Variants in SPOCK1 observed in about 807,000 individuals in gnomAD.
SPOCK1 encodes testican-1.
Under a neutral mutation model 55.3 loss-of-function variants are expected in SPOCK1, and 23 were observed. The ratio of observed to expected loss-of-function variants is 0.42; its 90% CI spans 0.30 to 0.59. The LOEUF is 0.59. SPOCK1 is among the 20% of genes least tolerant of loss of function. SPOCK1 has a pLI of 0.22. For missense variants in SPOCK1, 499 were observed against 552.5 expected (o/e 0.90, Z 0.97); for synonymous variants, 226 against 221.0 (o/e 1.02, Z -0.20).
intron 2 of SPOCK1, among the ~76,000 whole-genome samples, chr5:137,339,651 G>A (rs1012543271): frequency 2.6e-5 from 4 of 151,920 alleles, no homozygotes; most frequent in African/African-American, 7.3e-5. Flanking sequence ...TTTTCAATCA[G>A]TATTCTGTCT....
intron 2 of SPOCK1, among the ~76,000 whole-genome samples, chr5:137,443,155 G>A (rs1322390998): frequency 6.6e-6 from 1 of 152,114 alleles, no homozygotes; most frequent in African/African-American, 2.4e-5. Flanking sequence ...ACTTGGACAT[G>A]TTATTTAAAC....
In SPOCK1 at chr5:137,198,762, G is replaced by A. The variant is rs62376279; in HGVS notation, c.233-58068C>T. On this transcript the variant is annotated intron_variant, in intron 3 of 10. Coordinates refer to ENST00000394945, the MANE Select transcript of SPOCK1 (RefSeq NM_004598.4). ...TGATTTTTGACAGGTTTTAATTTTA[G>A]TGTATCCAAACTTGTTTTAAGATTA... Among the ~76,000 whole-genome samples, 1,025 of 152,166 alleles carry A rather than the reference G, an allele frequency of 6.7e-3. 4 individuals are homozygous for A. The highest frequency in any genetic ancestry group is 0.01 in the Admixed American group (153 of 15,300).
intron 3 of SPOCK1, among the ~76,000 whole-genome samples, chr5:137,164,695 G>C (rs923457986): frequency 2.0e-5 from 3 of 152,162 alleles, no homozygotes; most frequent in African/African-American, 4.8e-5. Context: ...TTGCCCTGAA[G>C]GATGAGTCCC....
In SPOCK1 at chr5:137,035,913, T is replaced by G. The variant is rs147960677; in HGVS notation, c.589+31802A>C. Among the ~76,000 whole-genome samples, 5 of 152,272 alleles carry G rather than the reference T, an allele frequency of 3.3e-5. No homozygotes were observed. In the East Asian group the frequency reaches 7.8e-4, roughly 24 times the overall value. On this transcript the variant is annotated intron_variant, in intron 6 of 10. Transcript: ENST00000394945. ...AGACTCCTTCTATGTGTCAGCCCAG[T>G]GCTCCATGCTGGGGATTAACCAGGG...
intron 3 of SPOCK1, among the ~76,000 whole-genome samples, chr5:137,169,987 C>T (rs1232267977): frequency 6.6e-6 from 1 of 152,136 alleles, no homozygotes; most frequent in African/African-American, 2.4e-5. Flanking sequence ...AAGAGATATA[C>T]CCATGCAACT....
chr5:137,292,423 A>G (rs1757387194), intron 2 of SPOCK1, among the ~76,000 whole-genome samples: 1 of 102,812 alleles, frequency 9.7e-6, no homozygotes, highest in Non-Finnish European at 1.8e-5. Context: ...TCACTGGTGT[A>G]GTTAAAAAAA....
chr5:137,091,809 C>T (rs1012976481), intron 5 of SPOCK1, among the ~76,000 whole-genome samples: 6 of 152,126 alleles, frequency 3.9e-5, no homozygotes, highest in Admixed American at 1.3e-4. Flanking sequence ...GTTTATTAGC[C>T]CCTCTTTCCA....
intron 7 of SPOCK1, among the ~76,000 whole-genome samples, chr5:136,990,274 T>C (rs772674463): frequency 6.6e-6 from 1 of 152,054 alleles, no homozygotes; most frequent in Non-Finnish European, 1.5e-5. Flanking sequence ...GCCAGTAAAA[T>C]AAGTACAGCA....
intron 3 of SPOCK1, among the ~76,000 whole-genome samples, chr5:137,246,830 A>T (rs1014186826): frequency 6.6e-6 from 1 of 152,194 alleles, no homozygotes; most frequent in African/African-American, 2.4e-5. Flanking sequence ...TGAAAATCAC[A>T]GAGTGAGTTT....
chr5:137,157,258 T>C (rs1754434245), intron 3 of SPOCK1, among the ~76,000 whole-genome samples: 1 of 152,236 alleles, frequency 6.6e-6, no homozygotes, highest in South Asian at 2.1e-4. Context: ...TGGATGGGAA[T>C]GCTCCAGGAG....
At chr5:137,276,283 C>T (rs1270785674) in intron 2 of SPOCK1, among the ~76,000 whole-genome samples, 1 of 152,358 alleles carries the variant, frequency 6.6e-6, no homozygotes, top group East Asian at 1.9e-4. Context: ...CTCCTCCTTA[C>T]CCTTCTTTTG....
intron 5 of SPOCK1, among the ~76,000 whole-genome samples, chr5:137,092,746 C>T (rs1227013757): frequency 6.6e-6 from 1 of 152,208 alleles, no homozygotes; most frequent in East Asian, 1.9e-4. Flanking sequence ...AGCACAGTGC[C>T]TCTTTCCAGC....
At chr5:137,186,479 C>A (rs1445093759) in intron 3 of SPOCK1, among the ~76,000 whole-genome samples, 2 of 152,214 alleles carry the variant, frequency 1.3e-5, no homozygotes, top group African/African-American at 4.8e-5. Flanking sequence ...TCAAAGAAAA[C>A]ATCTTCAAAG....
intron 4 of SPOCK1, among the ~76,000 whole-genome samples, chr5:137,125,480 G>A (rs1753767955): frequency 1.3e-5 from 2 of 152,122 alleles, no homozygotes; most frequent in Non-Finnish European, 2.9e-5. Flanking sequence ...GCCTTTGGCA[G>A]GGGTAATTAG....
chr5:137,063,030 C>T (rs1752423857), intron 6 of SPOCK1, among the ~76,000 whole-genome samples: 1 of 138,600 alleles, frequency 7.2e-6, no homozygotes, highest in African/African-American at 2.7e-5. Context: ...GTCAGGAGAT[C>T]GAGACCATCC....
chr5:137,421,102 C>G (rs184446128), intron 2 of SPOCK1, among the ~76,000 whole-genome samples: 74 of 152,228 alleles, frequency 4.9e-4, no homozygotes, highest in Non-Finnish European at 9.0e-4. Flanking sequence ...TGTAGTTGAG[C>G]GGTTTTGAGT....
chr5:137,488,544 C>T (rs1172683637), intron 2 of SPOCK1, among the ~76,000 whole-genome samples: 2 of 152,334 alleles, frequency 1.3e-5, no homozygotes, highest in East Asian at 3.9e-4. Context: ...GAGAATGCCA[C>T]TCTAACAGAC....
intron 2 of SPOCK1, among the ~76,000 whole-genome samples, chr5:137,382,443 C>G (rs1381868171): frequency 1.3e-5 from 2 of 152,144 alleles, no homozygotes; most frequent in Admixed American, 1.3e-4. Flanking sequence ...ATGTATTAGT[C>G]CATTTTCACA....
intron 6 of SPOCK1, among the ~76,000 whole-genome samples, chr5:136,997,614 A>G (rs2126966970): frequency 6.6e-6 from 1 of 152,110 alleles, no homozygotes; most frequent in African/African-American, 2.4e-5. Flanking sequence ...CTCAACCTTC[A>G]CGCTCTGGCC....
Sources: gnomAD v4.1 joint callset for allele counts (sites outside exome capture counted in the v4.1 genomes callset) on GRCh38, gnomAD v4.1.1 for gene constraint, MANE v1.5 for transcripts, NCBI Gene and HGNC (gene_info 2026-07-23, HGNC 2026-07-21) for gene names.